The following ERFL variants were observed in gnomAD, a reference collection of about 807,000 sequenced individuals.
The protein encoded by ERFL is ETS domain-containing transcription factor ERF-like.
In ERFL, 8 loss-of-function variants were observed where a neutral mutation model predicts 27.9. The observed-to-expected ratio is 0.29, with a 90% CI of 0.17 to 0.52. The LOEUF is 0.52. Among genes scored for constraint, ERFL ranks in the 20% least tolerant of loss-of-function variants. ERFL has a pLI of 0.97. For synonymous variants in ERFL, 174 were observed against 202.8 expected (o/e 0.86, Z 1.21); for missense variants, 294 against 444.4 (o/e 0.66, Z 3.04).
chr19:41,925,269 C>G (rs1412254832), intron 1 of ERFL, among the ~76,000 whole-genome samples: 2 of 151,924 alleles, frequency 1.3e-5, no homozygotes, highest in Non-Finnish European at 2.9e-5. Flanking sequence ...CAGGGGGTTA[C>G]TGGTGTGACC....
At chr19:41,911,642 C>A (rs1474173688) in intron 2 of ERFL, among the ~76,000 whole-genome samples, 1 of 152,118 alleles carries the variant, frequency 6.6e-6, no homozygotes, top group African/African-American at 2.4e-5. Flanking sequence ...GGGTCTTTCT[C>A]ACCTCCCATG....
chr19:41,915,497 C>T (rs1208492512), intron 1 of ERFL, among the ~76,000 whole-genome samples: 1 of 151,888 alleles, frequency 6.6e-6, no homozygotes, highest in Non-Finnish European at 1.5e-5. Context: ...TCTCTGTGTC[C>T]CCATGTCTCT....
chr19:41,924,081 A>C (rs1439384942), intron 1 of ERFL, among the ~76,000 whole-genome samples: 2 of 150,510 alleles, frequency 1.3e-5, no homozygotes, highest in African/African-American at 2.5e-5. Flanking sequence ...GGGGGTGAGC[A>C]TGTGGAATGA....
intron 2 of ERFL, among the ~76,000 whole-genome samples, chr19:41,911,816 G>C (rs746052959): frequency 3.9e-5 from 6 of 152,070 alleles, no homozygotes; most frequent in Non-Finnish European, 7.4e-5. Context: ...CAAATATGTT[G>C]TACCTATGAG....
At position 41,924,016 on chromosome 19, in the gene ERFL, G is replaced by T. The variant is rs550111468; in HGVS notation, c.-14+4024C>A. 2.4e-4 allele frequency among the ~76,000 whole-genome samples: 32 copies of T among 136,066 alleles called. No individual in the cohort carries two copies. The South Asian group carries it at 7.7e-3, about 33-fold the overall frequency. The allele number at this position is 136,066 out of a possible 152,430, so 89.3% of individuals were successfully genotyped here. ...CTGTGCTGGGGGTGTGTCTGGGGAGGTGGGGGTGCTCTGGGAGGGGGCTGT... is the reference window on the plus strand; with the variant it reads ...CTGTGCTGGGGGTGTGTCTGGGGAGTTGGGGGTGCTCTGGGAGGGGGCTGT... On this transcript the variant is annotated intron_variant, in intron 1 of 5. Transcript: ENST00000597630.
intron 1 of ERFL, chr19:41,923,297 G>A: frequency 5.1e-6 from 2 of 393,252 alleles, no homozygotes; most frequent in South Asian, 3.7e-5. Context: ...GCCAGAGACA[G>A]AAAAGGAGGA....
At chr19:41,926,927 A>C (rs782783874) in intron 1 of ERFL, among the ~76,000 whole-genome samples, 2 of 152,146 alleles carry the variant, frequency 1.3e-5, no homozygotes, top group Admixed American at 6.5e-5. Flanking sequence ...ACAGAGAGAC[A>C]GTAAGAGACA....
rs372667637 is a variant in ERFL at position 41,915,728 on chromosome 19, G to T, written c.-13-2796C>A. Among the ~76,000 whole-genome samples the T allele has an allele frequency of 3.3e-5, 5 of 151,916 alleles. No individual in the cohort carries two copies. The East Asian group carries it at 5.8e-4, about 18-fold the overall frequency. On this transcript the variant is annotated intron_variant, in intron 1 of 5. Transcript: ENST00000597630. The stretch of plus-strand genomic sequence containing the variant: ...ATGTCTCTGTCTCTGTTTCTGTCCC[G>T]GTGTCCGTCTCTTGGGGTCCCTTTG...
In ERFL at chr19:41,912,899, G is replaced by T. The variant is rs1006348335; in HGVS notation, c.21C>A (p.Ser7=). MDCSCV[S]DLLFAPPALP... ...GGGCGGGCGGGGCGAAGAGAAGGTC[G>T]GAGACGCAGCTACAGTCCATGGCGG... The change falls in exon 2 of 6, where the codon TCC becomes TCA. Residue 7 remains serine, a synonymous_variant. Coordinates refer to ENST00000597630, the MANE Select transcript of ERFL (RefSeq NM_001365103.2). 4.2e-5 allele frequency: 52 copies of T among 1,231,526 alleles called. No individual in the cohort carries two copies. The highest frequency in any genetic ancestry group is 5.3e-5 in the Non-Finnish European group (52 of 987,952). 76.3% of individuals were successfully genotyped at this position (1,231,526 alleles called of 1,614,324 possible).
intron 2 of ERFL, among the ~76,000 whole-genome samples, chr19:41,912,439 AC>A (rs1555851346): frequency 6.6e-6 from 1 of 151,818 alleles, no homozygotes. Flanking sequence ...GCCTGCACGT[AC>A]CCCTGACTGG....
In ERFL at chr19:41,909,983, A is replaced by G; in HGVS notation, c.182T>C (p.Ile61Thr). ...TTCCCCGTAGTCCCCCTGCCAGGCTATGACGCCCTGGTACTCCTCCTTCTG... is the reference window on the plus strand; with the variant it reads ...TTCCCCGTAGTCCCCCTGCCAGGCTGTGACGCCCTGGTACTCCTCCTTCTG... ...LLQKEEYQGV[I>T]AWQGDYGEFV... Residue 61 changes from isoleucine to threonine, a missense_variant, in exon 3 of 6, where the codon ATA becomes ACA. Around this residue, in one of 3 missense-constraint regions of ERFL, gnomAD observed 246 missense variants for 371.4 expected, o/e 0.66. Transcript: ENST00000597630. This position sits in a 1 kb window ranked among gnomAD's most constrained non-coding sequence, Gnocchi z 5.2. The G allele has an allele frequency of 6.2e-7, 1 of 1,613,824 alleles. No individual in the cohort carries two copies.
Position 41,909,608 on chromosome 19 carries a change from C to A in ERFL, c.303-137G>T. On this transcript the variant is annotated intron_variant, in intron 3 of 5. Coordinates refer to ENST00000597630, the MANE Select transcript of ERFL (RefSeq NM_001365103.2). This position sits in a 1 kb window ranked among gnomAD's most constrained non-coding sequence, Gnocchi z 5.2. ...GGGGAAACTGAGGCTCACAGAAGTCCCTTAATAGGGATCACAGGGCAAGGA... is the reference window on the plus strand; with the variant it reads ...GGGGAAACTGAGGCTCACAGAAGTCACTTAATAGGGATCACAGGGCAAGGA... 1 of 863,192 alleles carries A rather than the reference C, an allele frequency of 1.2e-6. No homozygotes were observed. The highest frequency in any genetic ancestry group is 1.7e-6 in the Non-Finnish European group (1 of 589,004). The allele number at this position is 863,192 out of a possible 1,614,324, so 53.5% of individuals were successfully genotyped here. A position where few individuals can be genotyped will look rare whatever the true frequency, so the allele number is the denominator to read the frequency against.
chr19:41,921,968 C>T lies in ERFL; in HGVS notation c.-14+6072G>A, dbSNP rs2074844861. Among the ~76,000 whole-genome samples, 1 of 151,768 alleles carries T rather than the reference C, an allele frequency of 6.6e-6. No homozygotes were observed. Among genetic ancestry groups the T allele is most frequent in the East Asian group, 1.9e-4 (1 of 5,188 alleles). ...CCTCCTGGTCCTCATCCCCAACTCC[C>T]ACCCCTTCCCCACCCTTGCCTTCAT... On this transcript the variant is annotated intron_variant, in intron 1 of 5. Coordinates refer to ENST00000597630, the MANE Select transcript of ERFL (RefSeq NM_001365103.2). The surrounding 1 kb of genome is among the most constrained non-coding windows in gnomAD (Gnocchi z 4.4).
In ERFL at chr19:41,908,122, C is replaced by T; in HGVS notation, c.*106G>A. 1.1e-6 allele frequency: 1 copy of T among 910,224 alleles called. No homozygotes were observed. The highest frequency in any genetic ancestry group is 3.3e-5 in the East Asian group (1 of 30,302). 56.4% of individuals were successfully genotyped at this position (910,224 alleles called of 1,614,324 possible). On this transcript the variant is annotated 3_prime_UTR_variant, in exon 6 of 6. Transcript: ENST00000597630. This position sits in a 1 kb window ranked among gnomAD's most constrained non-coding sequence, Gnocchi z 6.7. ...AGACTGGGGCAGCAATGTGCCCAGACCTGGGAGGTGCTGAGGGCTGGTCCT... is the reference window on the plus strand; with the variant it reads ...AGACTGGGGCAGCAATGTGCCCAGATCTGGGAGGTGCTGAGGGCTGGTCCT...
Position 41,909,194 on chromosome 19 carries a change from A to G in ERFL, c.499-17T>C. On this transcript the variant is annotated splice_polypyrimidine_tract_variant and intron_variant, in intron 4 of 5. Coordinates refer to ENST00000597630, the MANE Select transcript of ERFL (RefSeq NM_001365103.2). The surrounding 1 kb of genome is among the most constrained non-coding windows in gnomAD (Gnocchi z 5.2). Reference sequence around the variant, plus strand: ...TTGCAGGGTCTAGAGAGGGAGTGGGAGAAGCCGCCCTTCTCAGACTGTCCC... The same window carrying G: ...TTGCAGGGTCTAGAGAGGGAGTGGGGGAAGCCGCCCTTCTCAGACTGTCCC... The G allele has an allele frequency of 8.1e-7, 1 of 1,231,410 alleles. No homozygotes were observed. The highest frequency in any genetic ancestry group is 1.0e-6 in the Non-Finnish European group (1 of 987,738). 76.3% of individuals were successfully genotyped at this position (1,231,410 alleles called of 1,614,324 possible).
At chr19:41,918,913 C>G (rs923533880) in intron 1 of ERFL, among the ~76,000 whole-genome samples, 1 of 150,770 alleles carries the variant, frequency 6.6e-6, no homozygotes, top group Non-Finnish European at 1.5e-5. Flanking sequence ...CACACATACA[C>G]CACACACACA....
rs1405507253 is a variant in ERFL at position 41,925,628 on chromosome 19, GTGGTGCT to G, written c.-14+2405_-14+2411del. 5.3e-5 allele frequency among the ~76,000 whole-genome samples: 8 copies of G among 152,274 alleles called. No individual in the cohort carries two copies. In the East Asian group the frequency reaches 9.6e-4, roughly 18 times the overall value. On this transcript the variant is annotated intron_variant, in intron 1 of 5. Transcript: ENST00000597630. ...TACTAGTGTGTGGATTGGTGATCAGGTGGTGCTTGGGGTTAGGACACAGGTGGGGAAG... is the reference window on the plus strand; with the variant it reads ...TACTAGTGTGTGGATTGGTGATCAGGTGGGGTTAGGACACAGGTGGGGAAG...
rs534336407 is a variant in ERFL, at chr19:41,916,653, C to T, written c.-13-3721G>A. Among the ~76,000 whole-genome samples, 14 of 152,220 alleles carry T rather than the reference C, an allele frequency of 9.2e-5. No homozygotes were observed. The highest frequency in any genetic ancestry group is 2.9e-4 in the African/African-American group (12 of 41,500). On this transcript the variant is annotated intron_variant, in intron 1 of 5. Coordinates refer to ENST00000597630, the MANE Select transcript of ERFL (RefSeq NM_001365103.2). The surrounding 1 kb of genome is among the most constrained non-coding windows in gnomAD (Gnocchi z 5.4). ...AGACAACAGCACACAGAAACAGACA[C>T]ACAGTCACACAACCAAGCACCACCG...
chr19:41,923,268 G>T (rs2074852350), intron 1 of ERFL: 1 of 437,046 alleles, frequency 2.3e-6, no homozygotes, highest in Admixed American at 2.5e-5. Context: ...TATTTGTACT[G>T]TCAGAGGACA....
Sources: gnomAD v4.1 joint callset for allele counts (sites outside exome capture counted in the v4.1 genomes callset) on GRCh38, gnomAD v4.1.1 for gene constraint, gnomAD v4.1.1 regional missense constraint, Gnocchi (gnomAD v3.1) non-coding constraint, MANE v1.5 for transcripts, NCBI Gene and HGNC (gene_info 2026-07-23, HGNC 2026-07-21) for gene names.